The following ING5 variants were observed in gnomAD, a reference collection of about 807,000 sequenced individuals.
ING5 encodes the protein inhibitor of growth family member 5, also known as inhibitor of growth protein 5.
ING5 carries 17 observed loss-of-function variants against 37.4 expected under a neutral mutation model. The ratio of observed to expected loss-of-function variants is 0.45; its 90% CI spans 0.31 to 0.68. The LOEUF is 0.68. ING5 is among the 30% of genes least tolerant of loss of function. The pLI is 0.05. For missense variants in ING5, 233 were observed against 311.9 expected (o/e 0.75, Z 1.91); for synonymous variants, 123 against 116.6 (o/e 1.06, Z -0.36).
At chr2:241,709,014 G>A (rs1441330906) in intron 2 of ING5, 8 of 513,912 alleles carry the variant, frequency 1.6e-5, no homozygotes, top group South Asian at 8.7e-5. Context: ...GCACGTTGCC[G>A]TAAAGTCTGC....
chr2:241,706,180 A>G (rs1281357853), intron 2 of ING5, among the ~76,000 whole-genome samples: 1 of 152,006 alleles, frequency 6.6e-6, no homozygotes, highest in Non-Finnish European at 1.5e-5. Context: ...CCAACTGCAC[A>G]CTTGTTGCCC....
At chr2:241,717,867 TC>T (rs1228094409) in intron 5 of ING5, among the ~76,000 whole-genome samples, 3 of 152,196 alleles carry the variant, frequency 2.0e-5, no homozygotes, top group Non-Finnish European at 4.4e-5. Flanking sequence ...AGACAGTTCT[TC>T]CAGTATTTTT....
intron 2 of ING5, among the ~76,000 whole-genome samples, chr2:241,707,632 T>C (rs1431571141): frequency 1.3e-5 from 2 of 152,194 alleles, no homozygotes; most frequent in East Asian, 1.9e-4. Context: ...TGTGTTTTTT[T>C]CCTTAGGTAC....
intron 2 of ING5, among the ~76,000 whole-genome samples, chr2:241,708,161 G>A (rs1037488855): frequency 6.6e-6 from 1 of 151,892 alleles, no homozygotes; most frequent in Non-Finnish European, 1.5e-5. Context: ...CTCCCAAAGT[G>A]CTGGGATCAC....
At chr2:241,696,780 C>T (rs1413155395) in intron 2 of ING5, among the ~76,000 whole-genome samples, 1 of 151,970 alleles carries the variant, frequency 6.6e-6, no homozygotes, top group African/African-American at 2.4e-5. Context: ...AAGACCCTGA[C>T]TCTAAAAATA....
chr2:241,724,234 C>T (rs969174488), intron 7 of ING5, among the ~76,000 whole-genome samples: 6 of 152,166 alleles, frequency 3.9e-5, no homozygotes, highest in South Asian at 2.1e-4. Context: ...TGCCGTGTCT[C>T]GGAGGCTGGC....
chr2:241,698,450 A>G (rs944914516), upstream of ING5, among the ~76,000 whole-genome samples: 1 of 151,370 alleles, frequency 6.6e-6, no homozygotes, highest in African/African-American at 2.4e-5. Context: ...TGTTTCATCG[A>G]TTGTAACAAA....
chr2:241,697,201 C>T (rs1443582610), upstream of ING5, among the ~76,000 whole-genome samples: 1 of 151,854 alleles, frequency 6.6e-6, no homozygotes, highest in Non-Finnish European at 1.5e-5. Context: ...TTTGGGAGGC[C>T]GGGGCAGGCG....
intron 5 of ING5, chr2:241,721,052 C>G: frequency 3.0e-6 from 3 of 985,644 alleles, no homozygotes; most frequent in Non-Finnish European, 3.6e-6. Context: ...CTCAAGATGT[C>G]AGGTCGGGCT....
chr2:241,723,062 T>C lies in ING5; in HGVS notation c.606T>C (p.Cys202=), dbSNP rs112344922. 5 of 1,614,228 alleles carry C rather than the reference T, an allele frequency of 3.1e-6. No individual in the cohort carries two copies. Among genetic ancestry groups the C allele is most frequent in the Non-Finnish European group, 1.7e-6 (2 of 1,180,042 alleles). ...TCTCCTATGGGGAGATGATTGGCTG[T>C]GACAATCCAGACGTGAGTGTCGCCT... ...HQVSYGEMIG[C]DNPDCPIEWF... The change falls in exon 6 of 8, where the codon TGT becomes TGC. Residue 202 remains cysteine (C), a synonymous_variant. Coordinates refer to ENST00000313552, the MANE Select transcript of ING5 (RefSeq NM_032329.6).
chr2:241,711,322 A>T, intron 3 of ING5, 55 bp from the exon 4 acceptor site: 1 of 1,246,806 alleles, frequency 8.0e-7, no homozygotes, highest in Non-Finnish European at 1.1e-6. Context: ...TACATTCGTG[A>T]TTCTGAGGTG....
In ING5 at chr2:241,727,139, A is replaced by C. The variant is rs1005771946; in HGVS notation, c.*2108A>C. ...TTTGTTGGAGACGGGGTTTCACCAT[A>C]TTGGCCAGACTGGTCTCAAACTCCT... On this transcript the variant is annotated 3_prime_UTR_variant, in exon 8 of 8. Transcript: ENST00000313552. 1 of 151,658 alleles carries C rather than the reference A, an allele frequency of 6.6e-6. No homozygotes were observed. The highest frequency in any genetic ancestry group is 1.5e-5 in the Non-Finnish European group (1 of 67,972). 9.4% of individuals were successfully genotyped at this position (151,658 alleles called of 1,614,324 possible). A position where few individuals can be genotyped will look rare whatever the true frequency, so the allele number is the denominator to read the frequency against.
At position 241,728,768 on chromosome 2, in the gene ING5, A is replaced by G. The variant is rs1691715856; in HGVS notation, c.*3737A>G. On this transcript the variant is annotated 3_prime_UTR_variant, in exon 8 of 8. Coordinates refer to ENST00000313552, the MANE Select transcript of ING5 (RefSeq NM_032329.6). ...CGGAGGCCTACGTGGCTGCCTGAGC[A>G]GCAGCTGACCGCCCGTCTCACTGTT... The G allele has an allele frequency of 6.6e-6, 1 of 152,360 alleles. No homozygotes were observed. Among genetic ancestry groups the G allele is most frequent in the African/African-American group, 2.4e-5 (1 of 41,474 alleles). The allele number at this position is 152,360 out of a possible 1,614,324, so 9.4% of individuals were successfully genotyped here. A position where few individuals can be genotyped will look rare whatever the true frequency, so the allele number is the denominator to read the frequency against.
exon 1 of ING5, chr2:241,687,144 C>T (rs867302139): frequency 3.0e-4 from 116 of 389,916 alleles, no homozygotes; most frequent in African/African-American, 2.1e-3. Context: ...AGCGCAGGGT[C>T]GGAGGGGCTC....
At chr2:241,719,898 C>T (rs757316821) in intron 5 of ING5, 3 of 1,324,820 alleles carry the variant, frequency 2.3e-6, no homozygotes, top group Admixed American at 7.0e-5. Flanking sequence ...AGGGTGATCA[C>T]CGATGGCGAC....
intron 5 of ING5, among the ~76,000 whole-genome samples, chr2:241,712,971 A>G (rs2070154498): frequency 6.6e-6 from 1 of 151,114 alleles, no homozygotes; most frequent in Admixed American, 6.6e-5. Flanking sequence ...ACTACATTCC[A>G]GCCTGGGCCA....
At chr2:241,721,377 C>T in intron 5 of ING5, 1 of 985,466 alleles carries the variant, frequency 1.0e-6, no homozygotes, top group Non-Finnish European at 1.2e-6. Context: ...CCTGTCTATT[C>T]CCAGACAGAG....
Position 241,709,287 on chromosome 2 carries a change from C to T in ING5, c.181C>T (p.Arg61Cys), listed in dbSNP as rs376724030. Residue 61 changes from arginine to cysteine, a missense_variant, in exon 3 of 8, where the codon CGC becomes TGC. Arg to Cys is a radical substitution (Grantham distance 180, BLOSUM62 -3). This residue lies in a region of ING5 where 93 missense variants were observed against 99.7 expected (regional missense o/e 0.93). Transcript: ENST00000313552. The part of the protein sequence containing the change: ...STVKTLSPDQ[R>C]VERLQKIQNA... ...GGTGAAGACGCTGTCTCCAGACCAG[C>T]GCGTGGAGCGCCTGCAGAAGATCCA... is the stretch of plus-strand genomic sequence containing the variant. The T allele has an allele frequency of 3.1e-6, 5 of 1,613,964 alleles. No homozygotes were observed. The highest frequency in any genetic ancestry group is 2.7e-5 in the African/African-American group (2 of 74,904).
Position 241,702,076 on chromosome 2 carries a change from C to G in ING5, c.11C>G (p.Ala4Gly). The change falls in exon 1 of 8, where the codon GCC (alanine) becomes GGC (glycine). Residue 4 changes from alanine to glycine, a missense_variant. Coordinates refer to ENST00000313552, the MANE Select transcript of ING5 (RefSeq NM_032329.6). ...CGGCCGCGGACGAAGATGGCGACCG[C>G]CATGTACTTGGAGCACTATCTGGAC... Reference protein sequence around the residue: MATAMYLEHYLDSI... With the variant: MATGMYLEHYLDSI... 7.2e-7 allele frequency: 1 copy of G among 1,390,658 alleles called. No individual in the cohort carries two copies. The highest frequency in any genetic ancestry group is 9.4e-7 in the Non-Finnish European group (1 of 1,066,890). The allele number at this position is 1,390,658 out of a possible 1,614,324, so 86.1% of individuals were successfully genotyped here. A position where few individuals can be genotyped will look rare whatever the true frequency, so the allele number is the denominator to read the frequency against.
Sources: gnomAD v4.1 joint callset for allele counts (sites outside exome capture counted in the v4.1 genomes callset) on GRCh38, gnomAD v4.1.1 for gene constraint, gnomAD v4.1.1 regional missense constraint, MANE v1.5 for transcripts, NCBI Gene and HGNC (gene_info 2026-07-23, HGNC 2026-07-21) for gene names.